Variants in DNAH12 observed in about 807,000 individuals in gnomAD.
DNAH12 encodes the protein axonemal beta dynein heavy chain 12.
Under a neutral mutation model 371.5 loss-of-function variants are expected in DNAH12, and 285 were observed. That is an observed-to-expected ratio of 0.77 (90% CI 0.70 to 0.85). The LOEUF (loss-of-function observed/expected upper bound fraction) is 0.85, where lower values mean the gene tolerates loss of function less well. DNAH12 is among the 40% of genes least tolerant of loss of function. The pLI, the probability that DNAH12 is intolerant of heterozygous loss-of-function variation, is 0.00. For synonymous variants in DNAH12, 1,200 were observed against 1,213.0 expected, an observed-to-expected ratio of 0.99 and a Z score of 0.22; for missense variants, 3,611 against 3,689.4, an observed-to-expected ratio of 0.98 and a Z score of 0.55.
At chr3:57,402,559 T>C in intron 43 of DNAH12, 1 of 696,580 alleles carries the variant, frequency 1.4e-6, no homozygotes. Context: ...GGAATAAATA[T>C]ATAGTCAGTG....
intron 2 of DNAH12, among the ~76,000 whole-genome samples, chr3:57,538,900 C>G (rs1354586420): frequency 6.6e-6 from 1 of 152,182 alleles, no homozygotes; most frequent in Non-Finnish European, 1.5e-5. Context: ...TGTTATATGG[C>G]ACTTAAGCTC....
chr3:57,443,263 C>T (rs1036203518), intron 29 of DNAH12, among the ~76,000 whole-genome samples: 1 of 152,126 alleles, frequency 6.6e-6, no homozygotes, highest in South Asian at 2.1e-4. Context: ...GCGTGCACCA[C>T]CATGCCCCGC....
intron 5 of DNAH12, among the ~76,000 whole-genome samples, chr3:57,510,573 G>C (rs2067952979): frequency 6.6e-6 from 1 of 152,112 alleles, no homozygotes; most frequent in Non-Finnish European, 1.5e-5. Flanking sequence ...TCAGCAGGCG[G>C]AGGCTGCAGT....
intron 2 of DNAH12, among the ~76,000 whole-genome samples, chr3:57,533,015 T>C (rs912421329): frequency 1.3e-5 from 2 of 152,184 alleles, no homozygotes; most frequent in African/African-American, 4.8e-5. Context: ...TGGTGTCTTA[T>C]TATACTGCTG....
At chr3:57,305,256 C>T (rs1355524282) in intron 69 of DNAH12, among the ~76,000 whole-genome samples, 1 of 152,014 alleles carries the variant, frequency 6.6e-6, no homozygotes, top group Non-Finnish European at 1.5e-5. Flanking sequence ...CTTTCCCTCT[C>T]ACCTCTCCCC....
intron 69 of DNAH12, among the ~76,000 whole-genome samples, chr3:57,306,196 G>A (rs556988043): frequency 1.3e-5 from 2 of 152,152 alleles, no homozygotes; most frequent in South Asian, 2.1e-4. Context: ...AAACCATCAC[G>A]GATGCCAAGC....
intron 60 of DNAH12, among the ~76,000 whole-genome samples, chr3:57,348,355 G>A (rs1553658883): frequency 6.6e-6 from 1 of 152,152 alleles, no homozygotes; most frequent in African/African-American, 2.4e-5. Context: ...CAGGGTTGAG[G>A]GGAGGGAGGG....
intron 9 of DNAH12, among the ~76,000 whole-genome samples, chr3:57,502,753 G>T (rs1346795691): frequency 6.6e-6 from 1 of 152,114 alleles, no homozygotes; most frequent in Non-Finnish European, 1.5e-5. Flanking sequence ...CACCATGTTG[G>T]TCAGGCTGGT....
intron 4 of DNAH12, among the ~76,000 whole-genome samples, chr3:57,513,010 G>A (rs1314970659): frequency 6.6e-6 from 1 of 151,936 alleles, no homozygotes; most frequent in African/African-American, 2.4e-5. Flanking sequence ...GTGGTGGCAG[G>A]CACCTGTAAT....
chr3:57,445,314 T>C lies in DNAH12; in HGVS notation c.4285A>G (p.Ile1429Val). ...GAGCAAAGCCTATAGGTCATTACTA[T>C]TTTCACAGACAGAGGTCTTGCATTC... is the stretch of plus-strand genomic sequence containing the variant. ...FLNARPLSVK[I>V]VMTYRLCSEQ... The change falls in exon 28 of 74, where the codon ATA (isoleucine) becomes GTA (valine). Residue 1429 changes from isoleucine to valine, a missense_variant. Around this residue, in one of 3 missense-constraint regions of DNAH12, gnomAD observed 2,266 missense variants for 2,236.9 expected, o/e 1.01. Transcript: ENST00000495027. 6.4e-7 allele frequency: 1 copy of C among 1,551,632 alleles called. No homozygotes were observed. Among genetic ancestry groups the C allele is most frequent in the Non-Finnish European group, 8.7e-7 (1 of 1,146,970 alleles).
intron 13 of DNAH12, among the ~76,000 whole-genome samples, chr3:57,481,407 A>G (rs144782923): frequency 6.6e-6 from 1 of 151,998 alleles, no homozygotes; most frequent in African/African-American, 2.4e-5. Context: ...ACCACTGCTC[A>G]ACAAAATAAA....
intron 60 of DNAH12, among the ~76,000 whole-genome samples, chr3:57,339,804 T>C (rs116552052): frequency 0.024 from 3,605 of 152,188 alleles, 66 homozygotes; most frequent in Admixed American, 0.035. Flanking sequence ...AAAAAATACC[T>C]CACCCCTGTA....
intron 55 of DNAH12, among the ~76,000 whole-genome samples, chr3:57,371,940 G>GAAAAAAAAAAAAAAA (rs2063180760): frequency 9.2e-5 from 1 of 10,836 alleles, no homozygotes; most frequent in South Asian, 2.4e-3. Flanking sequence ...TCTAAACTCA[G>GAAAAAAAAAAAAAAA]CAAAAAAAAA....
In DNAH12 at chr3:57,433,733, T is replaced by G; in HGVS notation, c.4751A>C (p.Glu1584Ala). 1 of 1,551,442 alleles carries G rather than the reference T, an allele frequency of 6.4e-7. No homozygotes were observed. The highest frequency in any genetic ancestry group is 2.4e-5 in the East Asian group (1 of 40,904). The part of the protein sequence containing the change: ...LTLMNEHGYG[E>A]EEKVIYRTVN... ...AGTTCTATAAATGACCTTTTCTTCCTCTCCATAGCCATGTTCATTCATTAA... is the reference window on the plus strand; with the variant it reads ...AGTTCTATAAATGACCTTTTCTTCCGCTCCATAGCCATGTTCATTCATTAA... The change falls in exon 31 of 74, where the codon GAG (glutamate) becomes GCG (alanine). Residue 1584 changes from glutamate (E) to alanine (A), a missense_variant. Physicochemically the swap from Glu to Ala is moderately radical, Grantham distance 107 (BLOSUM62 -1). Around this residue, in one of 3 missense-constraint regions of DNAH12, gnomAD observed 2,266 missense variants for 2,236.9 expected, o/e 1.01. Transcript: ENST00000495027.
At chr3:57,491,148 A>C (rs2067112511) in intron 11 of DNAH12, among the ~76,000 whole-genome samples, 2 of 151,934 alleles carry the variant, frequency 1.3e-5, no homozygotes, top group African/African-American at 2.4e-5. Flanking sequence ...AAAAAGATGA[A>C]TATGGATAAA....
At chr3:57,502,079 T>C (rs2067570312) in intron 10 of DNAH12, among the ~76,000 whole-genome samples, 1 of 152,084 alleles carries the variant, frequency 6.6e-6, no homozygotes, top group Admixed American at 6.6e-5. Context: ...GCTAATTTTT[T>C]GTATTTTTTA....
At chr3:57,427,925 G>C (rs2064832206) in intron 34 of DNAH12, among the ~76,000 whole-genome samples, 1 of 151,308 alleles carries the variant, frequency 6.6e-6, no homozygotes, top group Admixed American at 6.6e-5. Context: ...GTGTTTTTTG[G>C]TTTTGGGGTT....
chr3:57,465,265 G>T (rs1031159609), intron 17 of DNAH12, among the ~76,000 whole-genome samples: 21 of 152,096 alleles, frequency 1.4e-4, no homozygotes, highest in Non-Finnish European at 1.5e-5. Context: ...TATATATAGA[G>T]AGAGTCTGTT....
At chr3:57,437,751 A>G (rs2153367732) in intron 29 of DNAH12, among the ~76,000 whole-genome samples, 1 of 148,576 alleles carries the variant, frequency 6.7e-6, no homozygotes, top group Middle Eastern at 3.4e-3. Flanking sequence ...GTAGTGACAC[A>G]AGAGACCAAG....
Sources: gnomAD v4.1 joint callset for allele counts (sites outside exome capture counted in the v4.1 genomes callset) on GRCh38, gnomAD v4.1.1 for gene constraint, gnomAD v4.1.1 regional missense constraint, MANE v1.5 for transcripts, NCBI Gene and HGNC (gene_info 2026-07-23, HGNC 2026-07-21) for gene names.